Variants in FANCA observed in about 807,000 individuals in gnomAD.
FANCA encodes the protein Fanconi anemia group A protein.
Under a neutral mutation model 194.3 loss-of-function variants are expected in FANCA, and 236 were observed. The observed-to-expected ratio is 1.21, with a 90% CI of 1.09 to 1.35. The LOEUF is 1.35. Ranked by LOEUF, FANCA falls within the 40% of genes most tolerant of loss-of-function variation. The probability of loss-of-function intolerance (pLI) is 0.00; values close to 1 mark genes in which losing one functional copy is unlikely to be tolerated. For missense variants in FANCA, 2,628 were observed against 1,813.9 expected (o/e 1.45, Z -8.15); for synonymous variants, 1,014 against 715.8 (o/e 1.42, Z -6.65).
At chr16:89,767,574 G>A (rs933417783) in intron 26 of FANCA, among the ~76,000 whole-genome samples, 7 of 151,380 alleles carry the variant, frequency 4.6e-5, no homozygotes, top group East Asian at 1.9e-4. Context: ...TTTTGAGAGG[G>A]AGTCTTGCTC....
intron 18 of FANCA, among the ~76,000 whole-genome samples, chr16:89,779,220 C>T (rs2039619341): frequency 6.6e-6 from 1 of 152,122 alleles, no homozygotes; most frequent in Middle Eastern, 3.2e-3. Flanking sequence ...CCACATTCGG[C>T]CTGCTCCCTG....
At chr16:89,790,326 G>C (rs1377192766) in intron 14 of FANCA, among the ~76,000 whole-genome samples, 1 of 151,886 alleles carries the variant, frequency 6.6e-6, no homozygotes, top group Non-Finnish European at 1.5e-5. Flanking sequence ...CCCAGGAGGA[G>C]GAGGTTGCAG....
chr16:89,742,841 T>TG lies in FANCA; in HGVS notation c.3723dup (p.Ile1242HisfsTer36). On this transcript the variant is annotated frameshift_variant, in exon 37 of 43. Coordinates refer to ENST00000389301, the MANE Select transcript of FANCA (RefSeq NM_000135.4). LOFTEE classifies it high-confidence loss of function. The stretch of plus-strand genomic sequence containing the variant: ...TCCAGCTTCTTTAGCTGCTTCCTGA[T>TG]GTTTTCTTCCCTGACTTGTTGAATC... 6.2e-7 allele frequency: 1 copy of TG among 1,614,178 alleles called. No homozygotes were observed. The highest frequency in any genetic ancestry group is 8.5e-7 in the Non-Finnish European group (1 of 1,180,022).
intron 33 of FANCA, among the ~76,000 whole-genome samples, chr16:89,747,159 C>T (rs1489561800): frequency 6.6e-6 from 1 of 152,146 alleles, no homozygotes; most frequent in Non-Finnish European, 1.5e-5. Context: ...CAGGGAGGCA[C>T]AAGCAGCCGC....
At chr16:89,809,261 G>A (rs1371480366) in intron 5 of FANCA, among the ~76,000 whole-genome samples, 2 of 152,050 alleles carry the variant, frequency 1.3e-5, no homozygotes, top group Non-Finnish European at 2.9e-5. Flanking sequence ...TCTCCAATCT[G>A]ATATGCATGT....
rs138013482 is a variant in FANCA, at chr16:89,745,001, C to T, written c.3584G>A (p.Arg1195Gln). 2.8e-4 allele frequency: 448 copies of T among 1,611,176 alleles called. 2 individuals are homozygous for T. The African/African-American group carries it at 4.5e-3, about 16-fold the overall frequency. Residue 1195 changes from arginine to glutamine, a missense_variant, in exon 36 of 43, where the codon CGG (arginine) becomes CAG (glutamine). Coordinates refer to ENST00000389301, the MANE Select transcript of FANCA (RefSeq NM_000135.4). ...GCCTTCTTGTAGCTTCTGCAGTTCC[C>T]GGGGCAGCGGGCTCTGGCAGTGTCT... is the stretch of plus-strand genomic sequence containing the variant. Reference protein sequence around the residue: ...WRRHCQSPLPRELQKLQEGRQ... With the variant: ...WRRHCQSPLPQELQKLQEGRQ...
chr16:89,757,262 A>G (rs1310700491), intron 30 of FANCA, among the ~76,000 whole-genome samples: 1 of 152,056 alleles, frequency 6.6e-6, no homozygotes, highest in Non-Finnish European at 1.5e-5. Context: ...GCCCAGCCTC[A>G]AGGTTGTTTT....
At chr16:89,768,503 T>C (rs534180782) in intron 26 of FANCA, among the ~76,000 whole-genome samples, 18 of 151,692 alleles carry the variant, frequency 1.2e-4, no homozygotes, top group Non-Finnish European at 1.8e-4. Context: ...TAAAAATACA[T>C]AAATTAGCTG....
chr16:89,737,644 C>G lies in FANCA; in HGVS notation c.*957G>C. Reference sequence around the variant, plus strand: ...ACAGTGTATAAAGCAGTTTAAAGATCTTAATAAACGAGGCCCTCATAGGCC... The same window carrying G: ...ACAGTGTATAAAGCAGTTTAAAGATGTTAATAAACGAGGCCCTCATAGGCC... On this transcript the variant is annotated 3_prime_UTR_variant, in exon 43 of 43. Coordinates refer to ENST00000389301, the MANE Select transcript of FANCA (RefSeq NM_000135.4). The G allele has an allele frequency of 2.2e-6, 3 of 1,383,260 alleles. No individual in the cohort carries two copies. The highest frequency in any genetic ancestry group is 2.9e-6 in the Non-Finnish European group (3 of 1,041,792). The allele number at this position is 1,383,260 out of a possible 1,614,324, so 85.7% of individuals were successfully genotyped here. A position where few individuals can be genotyped will look rare whatever the true frequency, so the allele number is the denominator to read the frequency against.
At chr16:89,806,844 CG>C (rs1480628184) in intron 6 of FANCA, among the ~76,000 whole-genome samples, 1 of 152,146 alleles carries the variant, frequency 6.6e-6, no homozygotes, top group Non-Finnish European at 1.5e-5. Context: ...CATCATGGCC[CG>C]TTCTCAATGA....
In FANCA at chr16:89,746,772, G is replaced by A. The variant is rs1038813864; in HGVS notation, c.3408+59C>T. ...TGAAGGAACTCACAGGAAGCTGACA[G>A]GAGGATCCACCCACGGCGTTCTGAG... On this transcript the variant is annotated intron_variant, in intron 34 of 42. Coordinates refer to ENST00000389301, the MANE Select transcript of FANCA (RefSeq NM_000135.4). The A allele has an allele frequency of 3.1e-5, 49 of 1,590,380 alleles. No homozygotes were observed. The Admixed American group carries it at 7.7e-4, about 25-fold the overall frequency.
chr16:89,786,697 C>T (rs2039909906), intron 14 of FANCA, among the ~76,000 whole-genome samples: 4 of 152,178 alleles, frequency 2.6e-5, no homozygotes, highest in South Asian at 4.1e-4. Flanking sequence ...ATGCTGATAA[C>T]GCTTGTCAAA....
At chr16:89,813,028 G>A (rs555762492) in intron 3 of FANCA, among the ~76,000 whole-genome samples, 8 of 98,824 alleles carry the variant, frequency 8.1e-5, no homozygotes, top group South Asian at 4.6e-4. Context: ...GCAACACTTC[G>A]TCTCAAAAAA....
In FANCA at chr16:89,814,629, C is replaced by T; in HGVS notation, c.190-16G>A. The T allele has an allele frequency of 6.3e-7, 1 of 1,585,438 alleles. No homozygotes were observed. On this transcript the variant is annotated splice_polypyrimidine_tract_variant and intron_variant, in intron 2 of 42. Transcript: ENST00000389301. ...GACCTTCTACCTAGAATCCAAAACA[C>T]AACAAACTCCATTTAAAAAATTCAA...
At chr16:89,775,658 G>T in intron 21 of FANCA, 84 bp downstream of exon 21, 3 of 1,147,666 alleles carry the variant, frequency 2.6e-6, no homozygotes, top group Non-Finnish European at 3.8e-6. Flanking sequence ...GAGCTCACTC[G>T]GGTGGTGTAG....
At chr16:89,746,939 G>A (rs2143110245) in intron 33 of FANCA, 49 bp from the exon 34 acceptor site, 9 of 1,494,640 alleles carry the variant, frequency 6.0e-6, no homozygotes, top group Non-Finnish European at 7.3e-6. Flanking sequence ...GAAGAGAGGC[G>A]AGACCAACAT....
intron 10 of FANCA, 35 bp from the exon 11 acceptor site, chr16:89,796,053 G>A (rs1464526056): frequency 1.3e-6 from 2 of 1,545,846 alleles, no homozygotes; most frequent in Admixed American, 1.7e-5. Context: ...TCAGGAAAGG[G>A]AGGGTGCCTT....
At chr16:89,816,220 G>A (rs1330401315) in intron 1 of FANCA, 2 of 527,228 alleles carry the variant, frequency 3.8e-6, no homozygotes, top group East Asian at 7.0e-5. Context: ...GACGGCTGGC[G>A]AGGGGCGGCC....
intron 3 of FANCA, among the ~76,000 whole-genome samples, chr16:89,812,836 C>T (rs2040950867): frequency 6.6e-6 from 1 of 151,040 alleles, no homozygotes; most frequent in Non-Finnish European, 1.5e-5. Context: ...AGTTTGAGAC[C>T]AGCCTGGCCA....
Sources: gnomAD v4.1 joint callset for allele counts (sites outside exome capture counted in the v4.1 genomes callset) on GRCh38, gnomAD v4.1.1 for gene constraint, MANE v1.5 for transcripts, NCBI Gene and HGNC (gene_info 2026-07-23, HGNC 2026-07-21) for gene names.